Variants in KLHDC4 observed in about 807,000 individuals in gnomAD.
KLHDC4 encodes kelch domain-containing protein 4.
A neutral mutation model predicts 62.4 loss-of-function variants in KLHDC4; 90 were observed. The ratio of observed to expected loss-of-function variants is 1.44; its 90% CI spans 1.22 to 1.72. The LOEUF is 1.72. Among genes scored for constraint, KLHDC4 ranks in the 40% most tolerant of loss-of-function variants. KLHDC4 has a pLI of 0.00. For missense variants in KLHDC4, 1,025 were observed against 699.7 expected, an observed-to-expected ratio of 1.47 and a Z score of -5.25; for synonymous variants, 386 against 284.4, an observed-to-expected ratio of 1.36 and a Z score of -3.59.
At chr16:87,705,203 G>A (rs1184023659), downstream of KLHDC4, among the ~76,000 whole-genome samples, 1 of 152,210 alleles carries the variant, frequency 6.6e-6, no homozygotes, top group Non-Finnish European at 1.5e-5. Context: ...GCTCCCGGGA[G>A]ACAGAGGCCC....
At chr16:87,742,256 T>G (rs1003322620) in intron 5 of KLHDC4, among the ~76,000 whole-genome samples, 2 of 152,102 alleles carry the variant, frequency 1.3e-5, no homozygotes, top group African/African-American at 4.8e-5. Context: ...CCTGCACCCT[T>G]CAGTCCCCTG....
At chr16:87,706,507 C>T (rs1320670382), downstream of KLHDC4, among the ~76,000 whole-genome samples, 4 of 152,216 alleles carry the variant, frequency 2.6e-5, no homozygotes, top group Non-Finnish European at 5.9e-5. Context: ...AGCCTCACTC[C>T]TGTCAGCACT....
Position 87,748,787 on chromosome 16 carries a change from C to G in KLHDC4, c.392G>C (p.Gly131Ala). The G allele has an allele frequency of 1.2e-6, 2 of 1,612,828 alleles. No individual in the cohort carries two copies. Among genetic ancestry groups the G allele is most frequent in the Non-Finnish European group, 1.7e-6 (2 of 1,179,748 alleles). The change falls in exon 5 of 12, where the codon GGC (glycine) becomes GCC (alanine). Residue 131 changes from glycine (G) to alanine (A), a missense_variant. Transcript: ENST00000270583. ...AHQAVVVPQGGGQLWVFGGEF... is the reference protein window; with the variant it reads ...AHQAVVVPQGAGQLWVFGGEF... ...CCCTCCAAAGACCCACAGCTGTCCG[C>G]CACCTTGAGGCACTACCACCGCCTG...
chr16:87,730,465 T>G, intron 6 of KLHDC4, 87 bp downstream of exon 6: 1 of 1,132,410 alleles, frequency 8.8e-7, no homozygotes, highest in Non-Finnish European at 1.3e-6. Context: ...GGGTGCGTCT[T>G]TCTTGTGTAT....
At chr16:87,752,227 C>T (rs759302308) in intron 4 of KLHDC4, among the ~76,000 whole-genome samples, 53 of 147,226 alleles carry the variant, frequency 3.6e-4, no homozygotes, top group Non-Finnish European at 6.7e-4. Flanking sequence ...GGCAATATAG[C>T]GAGACCCGTT....
At chr16:87,711,931 T>C (rs950702037) in intron 8 of KLHDC4, among the ~76,000 whole-genome samples, 6 of 117,326 alleles carry the variant, frequency 5.1e-5, no homozygotes, top group Non-Finnish European at 7.9e-5. Context: ...CAGCCCCCCT[T>C]GGGCCTGCAC....
intron 2 of KLHDC4, among the ~76,000 whole-genome samples, chr16:87,758,551 A>C (rs889767891): frequency 6.6e-6 from 1 of 152,150 alleles, no homozygotes; most frequent in Non-Finnish European, 1.5e-5. Context: ...GGGGGAGGGG[A>C]AACAGGGAGC....
intron 7 of KLHDC4, among the ~76,000 whole-genome samples, chr16:87,719,898 T>C (rs918940544): frequency 6.6e-6 from 1 of 152,164 alleles, no homozygotes; most frequent in South Asian, 2.1e-4. Context: ...GCCTGAACGT[T>C]TGGAGGCGCA....
chr16:87,737,781 G>A (rs190713571), intron 5 of KLHDC4, among the ~76,000 whole-genome samples: 15 of 152,010 alleles, frequency 9.9e-5, no homozygotes, highest in African/African-American at 3.6e-4. Flanking sequence ...TGTAGAGATG[G>A]CGTTTCACCA....
chr16:87,749,644 C>T (rs1445049791), intron 4 of KLHDC4, among the ~76,000 whole-genome samples: 3 of 151,864 alleles, frequency 2.0e-5, no homozygotes, highest in East Asian at 1.9e-4. Context: ...AGTGCGGTGG[C>T]GCCATCATCA....
At chr16:87,753,544 A>C (rs1431413692) in intron 4 of KLHDC4, among the ~76,000 whole-genome samples, 1 of 152,112 alleles carries the variant, frequency 6.6e-6, no homozygotes, top group Non-Finnish European at 1.5e-5. Context: ...TCACGCCTGT[A>C]ATCTCAGCAC....
chr16:87,746,984 C>A (rs982239010), intron 5 of KLHDC4, among the ~76,000 whole-genome samples: 1 of 152,236 alleles, frequency 6.6e-6, no homozygotes, highest in Non-Finnish European at 1.5e-5. Flanking sequence ...TGGAGCTGCA[C>A]ACGAGGTAGG....
chr16:87,698,711 G>A (rs1320306112), exon 1 of KLHDC4: 1 of 152,242 alleles, frequency 6.6e-6, no homozygotes, highest in African/African-American at 2.4e-5. Context: ...ATCTTTAATT[G>A]GTTTCCACAT....
At chr16:87,765,395 ACAT>A in intron 1 of KLHDC4, 1 of 476,104 alleles carries the variant, frequency 2.1e-6, no homozygotes, top group Non-Finnish European at 4.2e-6. Flanking sequence ...CCCAGACCAC[ACAT>A]CATGCAGAGG....
chr16:87,710,381 C>T (rs1235537633), intron 9 of KLHDC4: 1 of 152,276 alleles, frequency 6.6e-6, no homozygotes, highest in African/African-American at 2.4e-5. Flanking sequence ...CCAGATCAAC[C>T]CAAAGTCAGC....
At chr16:87,709,966 C>T in intron 9 of KLHDC4, 1 of 399,916 alleles carries the variant, frequency 2.5e-6, no homozygotes, top group East Asian at 4.0e-5. Flanking sequence ...GCCCACCAGA[C>T]CCCACACACA....
At chr16:87,718,637 C>T (rs1025544528) in intron 7 of KLHDC4, among the ~76,000 whole-genome samples, 3 of 151,928 alleles carry the variant, frequency 2.0e-5, no homozygotes, top group South Asian at 2.1e-4. Context: ...AGCCTCTGCC[C>T]GGCCGCCACC....
intron 2 of KLHDC4, among the ~76,000 whole-genome samples, chr16:87,759,010 T>C (rs942193758): frequency 2.0e-5 from 3 of 152,032 alleles, no homozygotes; most frequent in African/African-American, 4.8e-5. Context: ...ACCCCATCTC[T>C]ACTAAAAATA....
chr16:87,714,717 A>C, intron 7 of KLHDC4, 144 bp from the exon 8 acceptor site: 2 of 833,832 alleles, frequency 2.4e-6, no homozygotes, highest in Non-Finnish European at 3.9e-6. Flanking sequence ...GCGTGCCTGC[A>C]GTGTGCTCAG....
Sources: allele counts gnomAD v4.1 joint callset (sites outside exome capture counted in the v4.1 genomes callset), GRCh38; gene constraint gnomAD v4.1.1; transcripts MANE v1.5; gene names NCBI Gene and HGNC (gene_info 2026-07-23, HGNC 2026-07-21).